Variants in FAM76B observed in about 807,000 individuals in gnomAD.
The protein encoded by FAM76B is family with sequence similarity 76 member B.
A neutral mutation model predicts 51.8 loss-of-function variants in FAM76B; 16 were observed. The ratio of observed to expected loss-of-function variants is 0.31; its 90% CI spans 0.21 to 0.47. FAM76B has a LOEUF of 0.47. FAM76B is among the 20% of genes least tolerant of loss of function. The probability of loss-of-function intolerance (pLI) is 1.00; values close to 1 mark genes in which losing one functional copy is unlikely to be tolerated. For missense variants in FAM76B, 342 were observed against 392.6 expected (o/e 0.87, Z 1.09); for synonymous variants, 166 against 129.5 (o/e 1.28, Z -1.91).
At chr11:95,783,304 A>T (rs1318122595) in intron 4 of FAM76B, 40 bp from the exon 5 acceptor site, 1 of 1,584,292 alleles carries the variant, frequency 6.3e-7, no homozygotes, top group African/African-American at 1.4e-5. Flanking sequence ...ACCCATATAA[A>T]CTGGCTGTAA....
intron 1 of FAM76B, 174 bp downstream of exon 1, chr11:95,789,218 C>T (rs924588480): frequency 6.0e-5 from 57 of 957,894 alleles, no homozygotes; most frequent in Non-Finnish European, 8.5e-5. Flanking sequence ...AGGGTCCGTT[C>T]CCAGCTAATG....
At chr11:95,788,734 C>T in intron 1 of FAM76B, 171 bp from the exon 2 acceptor site, 1 of 1,291,654 alleles carries the variant, frequency 7.7e-7, no homozygotes. Context: ...CAATATAATT[C>T]CTTAGGGAAG....
intron 8 of FAM76B, among the ~76,000 whole-genome samples, chr11:95,778,112 T>C (rs1860092277): frequency 6.6e-6 from 1 of 151,480 alleles, no homozygotes; most frequent in African/African-American, 2.4e-5. Context: ...ACAGAAAATG[T>C]TAGAACTAGG....
chr11:95,786,494 C>A (rs57631568), intron 3 of FAM76B: 11 of 424,888 alleles, frequency 2.6e-5, no homozygotes, highest in South Asian at 1.1e-4. Context: ...ACTCTAAGAT[C>A]GTGAGAAATA....
At chr11:95,789,342 C>T (rs1257688560) in intron 1 of FAM76B, 50 bp downstream of exon 1, 3 of 1,542,124 alleles carry the variant, frequency 1.9e-6, no homozygotes, top group Non-Finnish European at 2.6e-6. Flanking sequence ...CGGCCCCCTC[C>T]GGCTACGGCC....
At chr11:95,776,078 C>CA in intron 8 of FAM76B, 55 bp from the exon 9 acceptor site, 1 of 916,880 alleles carries the variant, frequency 1.1e-6, no homozygotes, top group Non-Finnish European at 1.6e-6. Flanking sequence ...CACACACACA[C>CA]CATTTTAAAT....
Position 95,770,926 on chromosome 11 carries a change from C to T in FAM76B, c.*635G>A, listed in dbSNP as rs1411135958. On this transcript the variant is annotated 3_prime_UTR_variant, in exon 10 of 10. Transcript: ENST00000358780. ...TACAGTAGTTTTTACAAAACAGAAA[C>T]ACATTTTACCTTAGATACTGTACAA... 6.6e-6 allele frequency: 1 copy of T among 151,554 alleles called. No homozygotes were observed. The highest frequency in any genetic ancestry group is 6.6e-5 in the Admixed American group (1 of 15,134). 9.4% of individuals were successfully genotyped at this position (151,554 alleles called of 1,614,324 possible).
At chr11:95,785,586 TAGTC>T (rs1455776056) in intron 4 of FAM76B, among the ~76,000 whole-genome samples, 1 of 152,194 alleles carries the variant, frequency 6.6e-6, no homozygotes, top group African/African-American at 2.4e-5. Context: ...CTCAAAGAGG[TAGTC>T]ATTCTCCAAA....
chr11:95,787,800 T>C, intron 2 of FAM76B, 122 bp from the exon 3 acceptor site: 1 of 740,478 alleles, frequency 1.4e-6, no homozygotes. Context: ...CCACGGATTT[T>C]TTTCAAATAT....
In FAM76B at chr11:95,789,618, G is replaced by A. The variant is rs1591033606; in HGVS notation, c.-140C>T. 2 of 644,370 alleles carry A rather than the reference G, an allele frequency of 3.1e-6. No individual in the cohort carries two copies. Among genetic ancestry groups the A allele is most frequent in the East Asian group, 3.2e-5 (1 of 31,120 alleles). The allele number at this position is 644,370 out of a possible 1,614,324, so 39.9% of individuals were successfully genotyped here. ...CTCGCGCCCACCAGGGCCTCGCCGC[G>A]AGAGCCCAGGGCCCCGCGGACGACG... On this transcript the variant is annotated 5_prime_UTR_variant, in exon 1 of 10. Transcript: ENST00000358780.
intron 9 of FAM76B, among the ~76,000 whole-genome samples, chr11:95,775,542 C>T (rs1189862672): frequency 6.6e-6 from 1 of 151,456 alleles, no homozygotes; most frequent in African/African-American, 2.4e-5. Context: ...TTCCCATTAT[C>T]TGGAAGGAAA....
chr11:95,776,066 T>TAC (rs761589418), intron 8 of FAM76B, 43 bp from the exon 9 acceptor site: 36 of 1,020,656 alleles, frequency 3.5e-5, no homozygotes, highest in Non-Finnish European at 4.2e-5. Context: ...TTTGCACACA[T>TAC]ACACACACAC....
chr11:95,780,075 A>C, intron 5 of FAM76B, 149 bp from the exon 6 acceptor site: 2 of 603,120 alleles, frequency 3.3e-6, no homozygotes, highest in Middle Eastern at 4.6e-4. Flanking sequence ...AAGCTAATAC[A>C]TATTGAATAA....
chr11:95,786,267 G>A lies in FAM76B; in HGVS notation c.215C>T (p.Pro72Leu). 1.2e-6 allele frequency: 2 copies of A among 1,613,440 alleles called. No homozygotes were observed. The highest frequency in any genetic ancestry group is 1.7e-6 in the Non-Finnish European group (2 of 1,179,754). ...QNVKQFGTPK[P>L]CQYCNIIAAF... The stretch of plus-strand genomic sequence containing the variant: ...TGCAATTATGTTACAGTACTGACAA[G>A]GCTTGGGCTGAAAAACATACACATT... Residue 72 changes from proline (P) to leucine (L), a missense_variant, in exon 4 of 10, where the codon CCT becomes CTT. Physicochemically the swap from Pro to Leu is moderately conservative, Grantham distance 98. Coordinates refer to ENST00000358780, the MANE Select transcript of FAM76B (RefSeq NM_144664.5).
Position 95,783,215 on chromosome 11 carries a change from A to C in FAM76B, c.413T>G (p.Val138Gly). Residue 138 changes from valine (V) to glycine (G), a missense_variant, in exon 5 of 10, where the codon GTT (valine) becomes GGT (glycine). Physicochemically the swap from Val to Gly is moderately radical, Grantham distance 109. Coordinates refer to ENST00000358780, the MANE Select transcript of FAM76B (RefSeq NM_144664.5). ...CWLCTLSYKRVLQKTKEQRKS... is the reference protein window; with the variant it reads ...CWLCTLSYKRGLQKTKEQRKS... ...CCTTTGTTCTTTCGTCTTCTGTAAA[A>C]CTCTTTTGTACGATAAAGTACAGAG... 6.2e-7 allele frequency: 1 copy of C among 1,613,634 alleles called. No homozygotes were observed. The highest frequency in any genetic ancestry group is 8.5e-7 in the Non-Finnish European group (1 of 1,179,940).
intron 9 of FAM76B, among the ~76,000 whole-genome samples, chr11:95,772,609 C>A (rs938746700): frequency 6.6e-6 from 1 of 151,094 alleles, no homozygotes; most frequent in African/African-American, 2.4e-5. Context: ...AAAAAGATAT[C>A]CTCTGACTTA....
intron 2 of FAM76B, 108 bp downstream of exon 2, chr11:95,788,390 TA>T: frequency 2.1e-6 from 2 of 934,298 alleles, no homozygotes; most frequent in Non-Finnish European, 3.3e-6. Flanking sequence ...TTTCTGGGGC[TA>T]AACCATTTTT....
At chr11:95,782,126 T>C (rs1860303958) in intron 5 of FAM76B, among the ~76,000 whole-genome samples, 1 of 152,196 alleles carries the variant, frequency 6.6e-6, no homozygotes, top group Non-Finnish European at 1.5e-5. Flanking sequence ...GTTTAATTTG[T>C]ATTTTCATGT....
chr11:95,778,160 T>A (rs1456829432), intron 8 of FAM76B, among the ~76,000 whole-genome samples: 2 of 151,502 alleles, frequency 1.3e-5, no homozygotes, highest in African/African-American at 4.8e-5. Context: ...TTCAAAACTG[T>A]TTCCTGTTCC....
Sources: allele counts gnomAD v4.1 joint callset (sites outside exome capture counted in the v4.1 genomes callset), GRCh38; gene constraint gnomAD v4.1.1; transcripts MANE v1.5; gene names NCBI Gene and HGNC (gene_info 2026-07-23, HGNC 2026-07-21).